CSMD1: variants seen among roughly 807,000 people sequenced by gnomAD.
The protein encoded by CSMD1 is CUB and Sushi multiple domains 1.
Under a neutral mutation model 417.5 loss-of-function variants are expected in CSMD1, and 213 were observed. That is an observed-to-expected ratio of 0.51 (90% CI 0.46 to 0.57). CSMD1 has a LOEUF of 0.57. Among genes scored for constraint, CSMD1 ranks in the 20% least tolerant of loss-of-function variants. CSMD1 has a pLI of 0.00. For synonymous variants in CSMD1, 2,862 were observed against 1,736.8 expected (o/e 1.65, Z -16.11); for missense variants, 6,923 against 4,529.7 (o/e 1.53, Z -15.17).
chr8:4,063,731 T>C (rs942248643), intron 3 of CSMD1, among the ~76,000 whole-genome samples: 2 of 152,154 alleles, frequency 1.3e-5, no homozygotes, highest in South Asian at 2.1e-4. Flanking sequence ...GCCTTAGAAA[T>C]GGGAAGTGCC....
At chr8:4,866,230 C>A (rs899715826) in intron 1 of CSMD1, among the ~76,000 whole-genome samples, 1 of 151,982 alleles carries the variant, frequency 6.6e-6, no homozygotes, top group Middle Eastern at 3.4e-3. Flanking sequence ...CTTAATGTAC[C>A]AGGCTCTCTT....
chr8:4,723,787 T>TA (rs57096241), intron 1 of CSMD1, among the ~76,000 whole-genome samples: 88,625 of 131,474 alleles, frequency 0.67, 31,562 homozygotes, highest in East Asian at 0.81. Context: ...CTTTCGAATG[T>TA]AAAAAAAAAA....
intron 3 of CSMD1, among the ~76,000 whole-genome samples, chr8:4,382,164 T>C (rs978290811): frequency 1.3e-5 from 2 of 152,208 alleles, no homozygotes; most frequent in African/African-American, 4.8e-5. Context: ...GCATTCTTCA[T>C]GGGATGTTAT....
At chr8:3,556,873 T>G (rs567526646) in intron 10 of CSMD1, among the ~76,000 whole-genome samples, 4 of 152,196 alleles carry the variant, frequency 2.6e-5, no homozygotes, top group African/African-American at 7.2e-5. Context: ...TCAGCACACT[T>G]CGTACTTCAC....
intron 3 of CSMD1, among the ~76,000 whole-genome samples, chr8:4,244,425 C>A (rs909836127): frequency 1.3e-5 from 2 of 151,992 alleles, no homozygotes; most frequent in African/African-American, 2.4e-5. Context: ...GAAAAGCAGG[C>A]CTGTATATTT....
intron 6 of CSMD1, among the ~76,000 whole-genome samples, chr8:3,744,367 C>T (rs1187730114): frequency 6.6e-6 from 1 of 152,084 alleles, no homozygotes; most frequent in East Asian, 1.9e-4. Context: ...AAACAGGGCA[C>T]AGCAGGACCA....
chr8:4,522,597 G>C (rs1803523105), intron 2 of CSMD1, among the ~76,000 whole-genome samples: 1 of 152,126 alleles, frequency 6.6e-6, no homozygotes, highest in Non-Finnish European at 1.5e-5. Context: ...CTTTTGATAA[G>C]AGACAGAATT....
At chr8:3,010,216 G>C (rs1244184376) in intron 52 of CSMD1, among the ~76,000 whole-genome samples, 1 of 152,190 alleles carries the variant, frequency 6.6e-6, no homozygotes, top group Non-Finnish European at 1.5e-5. Flanking sequence ...CAATAGGAGA[G>C]CCTATCTTCG....
intron 26 of CSMD1, among the ~76,000 whole-genome samples, chr8:3,277,005 TCGCTAAAGAAAC>T (rs1329807441): frequency 6.6e-6 from 1 of 152,124 alleles, no homozygotes; most frequent in Non-Finnish European, 1.5e-5. Context: ...GTGATTGTCT[TCGCTAAAGAAAC>T]CTTTGAATGT....
chr8:4,296,670 G>C (rs1300074344), intron 3 of CSMD1, among the ~76,000 whole-genome samples: 1 of 147,570 alleles, frequency 6.8e-6, no homozygotes, highest in East Asian at 2.0e-4. Context: ...CCCTAGGCTT[G>C]GGTCCCTGAA....
intron 1 of CSMD1, among the ~76,000 whole-genome samples, chr8:4,735,947 A>G (rs151024481): frequency 0.01 from 1,588 of 152,254 alleles, 13 homozygotes; most frequent in Non-Finnish European, 0.015. Context: ...GCAACATAAA[A>G]ATGTTATCCT....
chr8:3,428,950 A>G lies in CSMD1; in HGVS notation c.1562-19345T>C, dbSNP rs558049704. Among the ~76,000 whole-genome samples the G allele has an allele frequency of 4.6e-5, 7 of 152,316 alleles. No individual in the cohort carries two copies. The East Asian group carries it at 1.2e-3, about 25-fold the overall frequency. On this transcript the variant is annotated intron_variant, in intron 12 of 69. Transcript: ENST00000635120. Reference sequence around the variant, plus strand: ...GTGAGCCAGTGACAGAAAGACAAGCACATCATCATCTCACTTTTACGGAGA... The same window carrying G: ...GTGAGCCAGTGACAGAAAGACAAGCGCATCATCATCTCACTTTTACGGAGA...
chr8:3,990,378 C>G (rs551017649), intron 5 of CSMD1, among the ~76,000 whole-genome samples: 1 of 152,082 alleles, frequency 6.6e-6, no homozygotes, highest in Non-Finnish European at 1.5e-5. Flanking sequence ...TTCAACTCTG[C>G]CCTAAGAATG....
At chr8:4,314,461 T>A (rs1340081119) in intron 3 of CSMD1, among the ~76,000 whole-genome samples, 2 of 152,176 alleles carry the variant, frequency 1.3e-5, no homozygotes, top group African/African-American at 4.8e-5. Context: ...ATAAGCCAAT[T>A]TCAATTGCAT....
chr8:4,541,666 C>T (rs1449653757), intron 2 of CSMD1, among the ~76,000 whole-genome samples: 1 of 152,054 alleles, frequency 6.6e-6, no homozygotes, highest in African/African-American at 2.4e-5. Context: ...ACCAAGGAGG[C>T]TGAGGTTGCA....
intron 3 of CSMD1, among the ~76,000 whole-genome samples, chr8:4,058,163 T>G (rs540939769): frequency 5.9e-5 from 9 of 152,206 alleles, no homozygotes; most frequent in African/African-American, 9.6e-5. Flanking sequence ...TTCCTACCCA[T>G]GAGCATGGAA....
intron 1 of CSMD1, chr8:4,788,045 A>G (rs1797502062): frequency 3.8e-6 from 6 of 1,592,754 alleles, no homozygotes; most frequent in Admixed American, 3.5e-5. Flanking sequence ...TCCAAATGGT[A>G]AAGAAAAACT....
chr8:4,933,584 G>C (rs926420933), intron 1 of CSMD1, among the ~76,000 whole-genome samples: 4 of 152,286 alleles, frequency 2.6e-5, no homozygotes, highest in African/African-American at 4.8e-5. Context: ...TGGAAGTTTT[G>C]CAACAAGCCT....
At chr8:4,408,122 A>T (rs1471980767) in intron 3 of CSMD1, among the ~76,000 whole-genome samples, 1 of 152,232 alleles carries the variant, frequency 6.6e-6, no homozygotes, top group Non-Finnish European at 1.5e-5. Context: ...TGGAAAAACA[A>T]AATGGAAACT....
Sources: allele counts gnomAD v4.1 joint callset (sites outside exome capture counted in the v4.1 genomes callset), GRCh38; gene constraint gnomAD v4.1.1; transcripts MANE v1.5; gene names NCBI Gene and HGNC (gene_info 2026-07-23, HGNC 2026-07-21).